DIAPH3: variants seen among roughly 807,000 people sequenced by gnomAD.
The protein encoded by DIAPH3 is protein diaphanous homolog 3.
In DIAPH3, 117 loss-of-function variants were observed where a neutral mutation model predicts 144.3. That is an observed-to-expected ratio of 0.81 (90% CI 0.70 to 0.95). The LOEUF (loss-of-function observed/expected upper bound fraction) is 0.95. Among genes scored for constraint, DIAPH3 ranks in the 40% least tolerant of loss-of-function variants. The pLI, the probability that DIAPH3 is intolerant of heterozygous loss-of-function variation, is 0.00. For missense variants in DIAPH3, 1,421 were observed against 1,412.7 expected (o/e 1.01, Z -0.09); for synonymous variants, 519 against 488.9 (o/e 1.06, Z -0.81).
At chr13:59,787,255 G>C (rs1459575094) in intron 25 of DIAPH3, among the ~76,000 whole-genome samples, 3 of 152,142 alleles carry the variant, frequency 2.0e-5, no homozygotes, top group Non-Finnish European at 4.4e-5. Context: ...AGCCTATTTG[G>C]ATCTCACCTT....
chr13:59,891,575 A>T (rs1296981622), intron 20 of DIAPH3, among the ~76,000 whole-genome samples: 1 of 152,030 alleles, frequency 6.6e-6, no homozygotes, highest in Non-Finnish European at 1.5e-5. Flanking sequence ...AACTAAGAAA[A>T]TTTTGAAAAA....
chr13:60,094,004 A>C (rs779574038), intron 3 of DIAPH3, among the ~76,000 whole-genome samples: 18 of 152,240 alleles, frequency 1.2e-4, no homozygotes, highest in Non-Finnish European at 4.4e-5. Context: ...ACATAACTAT[A>C]GATAATTAGA....
chr13:59,845,942 G>C (rs1452814732), intron 22 of DIAPH3, among the ~76,000 whole-genome samples: 1 of 152,060 alleles, frequency 6.6e-6, no homozygotes, highest in Non-Finnish European at 1.5e-5. Flanking sequence ...ATGGGTTTTG[G>C]ATTTAACTTT....
At chr13:59,954,464 C>T (rs962185424) in intron 17 of DIAPH3, among the ~76,000 whole-genome samples, 10 of 152,078 alleles carry the variant, frequency 6.6e-5, no homozygotes, top group African/African-American at 2.4e-4. Context: ...GCTTATTCAT[C>T]AAGAACACAT....
intron 21 of DIAPH3, among the ~76,000 whole-genome samples, chr13:59,873,588 T>C (rs1183121010): frequency 6.6e-6 from 1 of 151,924 alleles, no homozygotes; most frequent in Non-Finnish European, 1.5e-5. Context: ...AAATTCACAC[T>C]CCTTTTCAAA....
intron 1 of DIAPH3, among the ~76,000 whole-genome samples, chr13:60,142,843 G>A (rs920983100): frequency 1.2e-4 from 18 of 151,684 alleles, no homozygotes; most frequent in Admixed American, 7.9e-4. Context: ...CTGCAGTCTC[G>A]AACTACTGAG....
chr13:60,092,051 G>A (rs2057954526), intron 4 of DIAPH3, among the ~76,000 whole-genome samples: 1 of 151,894 alleles, frequency 6.6e-6, no homozygotes, highest in African/African-American at 2.4e-5. Flanking sequence ...ATGTTCTCCA[G>A]GCTGCTCTCA....
At chr13:59,981,890 T>C (rs58212670) in intron 13 of DIAPH3, among the ~76,000 whole-genome samples, 125 of 151,590 alleles carry the variant, frequency 8.2e-4, no homozygotes, top group African/African-American at 3.0e-3. Flanking sequence ...CTTTCTATTA[T>C]AAAAGATTAA....
At chr13:59,809,963 G>GA (rs1593509077) in intron 25 of DIAPH3, among the ~76,000 whole-genome samples, 1 of 152,230 alleles carries the variant, frequency 6.6e-6, no homozygotes, top group East Asian at 1.9e-4. Context: ...TTCAGGGAAT[G>GA]AAAATATAAC....
chr13:59,907,094 A>G (rs746222753), intron 20 of DIAPH3, among the ~76,000 whole-genome samples: 4 of 152,226 alleles, frequency 2.6e-5, no homozygotes, highest in Non-Finnish European at 1.5e-5. Context: ...GACACAAGCA[A>G]TGACTCCAAT....
chr13:60,012,898 A>G, intron 7 of DIAPH3: 1 of 701,758 alleles, frequency 1.4e-6, no homozygotes, highest in Non-Finnish European at 1.8e-6. Context: ...AATGTGTCAC[A>G]CTCATTTTAA....
chr13:59,978,410 C>T (rs1055603427), intron 14 of DIAPH3, among the ~76,000 whole-genome samples: 16 of 151,430 alleles, frequency 1.1e-4, no homozygotes, highest in Non-Finnish European at 5.9e-5. Flanking sequence ...AATGAAAAAG[C>T]CTTTCTACAA....
chr13:59,771,869 GT>G, intron 27 of DIAPH3, among the ~76,000 whole-genome samples: 2 of 151,874 alleles, frequency 1.3e-5, no homozygotes, highest in Admixed American at 6.6e-5. Flanking sequence ...TTGGCATTTA[GT>G]AAGCCAAATA....
At chr13:60,067,390 C>G (rs548630585) in intron 4 of DIAPH3, among the ~76,000 whole-genome samples, 11 of 152,216 alleles carry the variant, frequency 7.2e-5, no homozygotes, top group African/African-American at 2.6e-4. Flanking sequence ...ATATACAGGC[C>G]TGGTATATAT....
At chr13:59,911,138 G>GAA (rs1402526892) in intron 20 of DIAPH3, among the ~76,000 whole-genome samples, 1 of 152,092 alleles carries the variant, frequency 6.6e-6, no homozygotes, top group African/African-American at 2.4e-5. Context: ...AAAGAGCACA[G>GAA]AAAAGAAATC....
chr13:59,789,205 CTA>C (rs1426751540), intron 25 of DIAPH3, among the ~76,000 whole-genome samples: 9 of 152,090 alleles, frequency 5.9e-5, no homozygotes, highest in African/African-American at 2.2e-4. Flanking sequence ...CAAAATGTGA[CTA>C]TCACACAGAG....
intron 14 of DIAPH3, 85 bp from the exon 15 acceptor site, chr13:59,974,541 T>C (rs1391243078): frequency 3.5e-6 from 4 of 1,139,342 alleles, no homozygotes; most frequent in Admixed American, 3.7e-5. Context: ...ACTCGAATGA[T>C]CTGCCGGTAG....
chr13:60,016,184 A>G (rs745906090), intron 5 of DIAPH3, 39 bp from the exon 6 acceptor site: 2 of 1,580,050 alleles, frequency 1.3e-6, no homozygotes, highest in East Asian at 4.5e-5. Flanking sequence ...ATTGTCAGTA[A>G]CGCAGCTTGT....
intron 22 of DIAPH3, among the ~76,000 whole-genome samples, chr13:59,858,846 A>T (rs1417141492): frequency 1.3e-5 from 2 of 152,312 alleles, no homozygotes; most frequent in Middle Eastern, 3.4e-3. Flanking sequence ...CTTAGAAAAG[A>T]AGCAGTCCTA....
Sources: gnomAD v4.1 joint callset for allele counts (sites outside exome capture counted in the v4.1 genomes callset) on GRCh38, gnomAD v4.1.1 for gene constraint, MANE v1.5 for transcripts, NCBI Gene and HGNC (gene_info 2026-07-23, HGNC 2026-07-21) for gene names.